Variants in SIK3 observed in about 807,000 individuals in gnomAD.
SIK3 encodes SIK family kinase 3, also known as serine/threonine-protein kinase SIK3.
SIK3 carries 28 observed loss-of-function variants against 144.2 expected under a neutral mutation model. The ratio of observed to expected loss-of-function variants is 0.19; its 90% CI spans 0.14 to 0.27. The LOEUF is 0.27. Among genes scored for constraint, SIK3 ranks in the 10% least tolerant of loss-of-function variants. The pLI is 1.00. For missense variants in SIK3, 1,319 were observed against 1,776.0 expected (o/e 0.74, Z 4.62); for synonymous variants, 686 against 676.3 (o/e 1.01, Z -0.22).
At chr11:116,991,592 T>A (rs1950503225) in intron 1 of SIK3, among the ~76,000 whole-genome samples, 1 of 152,214 alleles carries the variant, frequency 6.6e-6, no homozygotes, top group African/African-American at 2.4e-5. Context: ...GTACAAATAA[T>A]TCTATACTAT....
intron 1 of SIK3, among the ~76,000 whole-genome samples, chr11:117,051,555 G>C (rs1049487987): frequency 2.0e-5 from 3 of 151,756 alleles, no homozygotes; most frequent in African/African-American, 7.3e-5. Context: ...TTGAGACCGA[G>C]TCTCCCTCAG....
Position 116,847,663 on chromosome 11 carries a change from AC to A in SIK3, c.3820-56del. On this transcript the variant is annotated intron_variant, in intron 22 of 24. Coordinates refer to ENST00000445177, the MANE Select transcript of SIK3 (RefSeq NM_001366686.3). ...GCACACAAGACACCACTCTCAGGCA[AC>A]CCCTAGAGACAGCTGGTCCTTCTGA... 5 of 1,606,546 alleles carry A rather than the reference AC, an allele frequency of 3.1e-6. No homozygotes were observed. In the East Asian group the frequency reaches 6.7e-5, roughly 22 times the overall value.
intron 1 of SIK3, among the ~76,000 whole-genome samples, chr11:116,972,805 TACAC>T (rs373994439): frequency 6.6e-6 from 1 of 150,712 alleles, no homozygotes; most frequent in Non-Finnish European, 1.5e-5. Flanking sequence ...CACACACACA[TACAC>T]ACACACACAC....
chr11:116,876,452 C>A, intron 7 of SIK3, 89 bp from the exon 8 acceptor site: 1 of 1,067,256 alleles, frequency 9.4e-7, no homozygotes, highest in Non-Finnish European at 1.4e-6. Flanking sequence ...CTGTTCCATG[C>A]CCTCTGGCTT....
At chr11:117,081,619 G>A (rs754556696) in intron 1 of SIK3, among the ~76,000 whole-genome samples, 13 of 152,118 alleles carry the variant, frequency 8.5e-5, no homozygotes, top group South Asian at 4.1e-4. Context: ...GCGAGACTCC[G>A]TCTCAAAATA....
chr11:117,021,945 A>AAAC (rs1951789486), intron 1 of SIK3, among the ~76,000 whole-genome samples: 1 of 112,972 alleles, frequency 8.9e-6, no homozygotes, highest in Non-Finnish European at 1.7e-5. Context: ...AAAAAAAAAA[A>AAAC]AAAAAAAAAA....
chr11:117,068,570 G>A (rs975077110), intron 1 of SIK3, among the ~76,000 whole-genome samples: 4 of 152,114 alleles, frequency 2.6e-5, no homozygotes, highest in Non-Finnish European at 5.9e-5. Flanking sequence ...GCAATATAGC[G>A]AGACCCTATC....
rs767188931 is a variant in SIK3 at position 116,858,835 on chromosome 11, A to G, written c.2766-136T>C. The G allele has an allele frequency of 6.1e-5, 80 of 1,303,610 alleles. No individual in the cohort carries two copies. The highest frequency in any genetic ancestry group is 3.0e-4 in the Admixed American group (10 of 33,436). The allele number at this position is 1,303,610 out of a possible 1,614,324, so 80.8% of individuals were successfully genotyped here. ...TGACAGAGAAGTGGCAGATGTATGCATTGTCCCTATTTATTCCATTACTGG... is the reference window on the plus strand; with the variant it reads ...TGACAGAGAAGTGGCAGATGTATGCGTTGTCCCTATTTATTCCATTACTGG... On this transcript the variant is annotated intron_variant, in intron 20 of 24. Transcript: ENST00000445177. This position sits in a 1 kb window ranked among gnomAD's most constrained non-coding sequence, Gnocchi z 5.4.
chr11:116,858,667 T>C lies in SIK3; in HGVS notation c.2798A>G (p.Tyr933Cys). 1 of 1,563,374 alleles carries C rather than the reference T, an allele frequency of 6.4e-7. No individual in the cohort carries two copies. The highest frequency in any genetic ancestry group is 8.7e-7 in the Non-Finnish European group (1 of 1,154,342). ...ATGGGGGTGTAAATGCGCCTGGTCG[T>C]AGTTAGCAGGGGAGAACCGATTCAC... ...LNVNRFSPANYDQAHLHPHLF... is the reference protein window; with the variant it reads ...LNVNRFSPANCDQAHLHPHLF... Residue 933 changes from tyrosine to cysteine, a missense_variant, in exon 21 of 25, where the codon TAC (tyrosine) becomes TGC (cysteine). Physicochemically the swap from Tyr to Cys is radical, Grantham distance 194. Around this residue, in one of 8 missense-constraint regions of SIK3, gnomAD observed 646 missense variants for 763.7 expected, o/e 0.85. Transcript: ENST00000445177. This position sits in a 1 kb window ranked among gnomAD's most constrained non-coding sequence, Gnocchi z 5.4.
intron 1 of SIK3, among the ~76,000 whole-genome samples, chr11:117,083,274 A>G (rs1315740370): frequency 6.6e-6 from 1 of 152,176 alleles, no homozygotes. Flanking sequence ...ACCCTTTTGC[A>G]TGGTCAAAGG....
At chr11:117,041,016 A>G (rs1404333711) in intron 1 of SIK3, among the ~76,000 whole-genome samples, 1 of 150,844 alleles carries the variant, frequency 6.6e-6, no homozygotes, top group Non-Finnish European at 1.5e-5. Context: ...AGTGCAATAC[A>G]ATATTATTAA....
In SIK3 at chr11:116,875,957, C is replaced by T; in HGVS notation, c.1148G>A (p.Cys383Tyr). ...GGTTTTATGTCTCTTATGTCGATCA[C>T]ACAGCAGGCTGTAGATTGCACTATA... Reference protein sequence around the residue: ...DHYSAIYSLLCDRHKRHKTLR... With the variant: ...DHYSAIYSLLYDRHKRHKTLR... The change falls in exon 9 of 25, where the codon TGT becomes TAT. Residue 383 changes from cysteine (C) to tyrosine (Y), a missense_variant. By Grantham distance (194) the Cys-to-Tyr change is radical. This residue lies in a region of SIK3 where 109 missense variants were observed against 109.3 expected (regional missense o/e 1.00). Coordinates refer to ENST00000445177, the MANE Select transcript of SIK3 (RefSeq NM_001366686.3). 2 of 1,613,698 alleles carry T rather than the reference C, an allele frequency of 1.2e-6. No individual in the cohort carries two copies. The highest frequency in any genetic ancestry group is 4.5e-5 in the East Asian group (2 of 44,884).
intron 1 of SIK3, among the ~76,000 whole-genome samples, chr11:117,021,959 A>AAAAAAAAAAAAAAC (rs1565565812): frequency 3.5e-5 from 5 of 141,550 alleles, no homozygotes; most frequent in African/African-American, 1.3e-4. Flanking sequence ...AAAAAAAAAA[A>AAAAAAAAAAAAAAC]AACCTAAAAA....
chr11:116,970,372 T>A (rs967236554), intron 1 of SIK3, among the ~76,000 whole-genome samples: 2 of 152,226 alleles, frequency 1.3e-5, no homozygotes, highest in African/African-American at 4.8e-5. Flanking sequence ...CTTTTTTAAG[T>A]TTTTAAATTG....
chr11:117,044,599 C>T, intron 1 of SIK3, among the ~76,000 whole-genome samples: 1 of 146,832 alleles, frequency 6.8e-6, no homozygotes, highest in Non-Finnish European at 1.5e-5. Context: ...CTTCACCCCA[C>T]ATTTTGTATC....
intron 1 of SIK3, among the ~76,000 whole-genome samples, chr11:116,969,193 G>C (rs1286263975): frequency 6.7e-6 from 1 of 150,192 alleles, no homozygotes; most frequent in East Asian, 1.9e-4. Context: ...GGGAGGCTGA[G>C]GCAGAAGAAT....
At chr11:117,096,096 A>C (rs1309486315) in intron 1 of SIK3, among the ~76,000 whole-genome samples, 1 of 152,226 alleles carries the variant, frequency 6.6e-6, no homozygotes, top group Non-Finnish European at 1.5e-5. Flanking sequence ...GAAAATTAGA[A>C]AGCGGGCAGA....
intron 6 of SIK3, among the ~76,000 whole-genome samples, chr11:116,893,405 A>G (rs532057199): frequency 2.0e-5 from 3 of 152,276 alleles, no homozygotes; most frequent in Admixed American, 2.0e-4. Flanking sequence ...GACAGGGCAC[A>G]GTAGCTCACA....
At chr11:116,957,357 GT>G (rs1565499043) in intron 1 of SIK3, among the ~76,000 whole-genome samples, 1 of 152,112 alleles carries the variant, frequency 6.6e-6, no homozygotes, top group African/African-American at 2.4e-5. Flanking sequence ...CATAGATGTC[GT>G]TACGGTCTGG....
Sources: gnomAD v4.1 joint callset for allele counts (sites outside exome capture counted in the v4.1 genomes callset) on GRCh38, gnomAD v4.1.1 for gene constraint, gnomAD v4.1.1 regional missense constraint, Gnocchi (gnomAD v3.1) non-coding constraint, MANE v1.5 for transcripts, NCBI Gene and HGNC (gene_info 2026-07-23, HGNC 2026-07-21) for gene names.